The following TMEM161B variants were observed in gnomAD, a reference collection of about 807,000 sequenced individuals.
The protein encoded by TMEM161B is transmembrane protein 161B.
TMEM161B carries 34 observed loss-of-function variants against 61.8 expected under a neutral mutation model. The ratio of observed to expected loss-of-function variants is 0.55; its 90% CI spans 0.42 to 0.73. The LOEUF is 0.73. Ranked by LOEUF, TMEM161B falls within the 30% of genes least tolerant of loss-of-function variation. The pLI is 0.00. For synonymous variants in TMEM161B, 167 were observed against 192.8 expected, an observed-to-expected ratio of 0.87 and a Z score of 1.11; for missense variants, 456 against 558.5, an observed-to-expected ratio of 0.82 and a Z score of 1.85.
chr5:88,229,095 C>T (rs1198771718), intron 2 of TMEM161B, among the ~76,000 whole-genome samples: 1 of 152,178 alleles, frequency 6.6e-6, no homozygotes, highest in East Asian at 1.9e-4. Flanking sequence ...GATCCAACAA[C>T]TGGTTGTATC....
At chr5:88,190,329 C>T (rs920592240), downstream of TMEM161B, 6 of 693,340 alleles carry the variant, frequency 8.7e-6, no homozygotes, top group Non-Finnish European at 1.6e-5. Context: ...TGTAGAAATA[C>T]TGGCCTAACA....
At chr5:88,228,586 C>T (rs2112579463) in intron 2 of TMEM161B, 58 bp from the exon 3 acceptor site, 1 of 1,195,478 alleles carries the variant, frequency 8.4e-7, no homozygotes, top group Non-Finnish European at 1.2e-6. Context: ...AATTATTCTT[C>T]ATCCTATAAA....
At chr5:88,202,761 T>A (rs1744663579) in intron 9 of TMEM161B, 1 of 582,032 alleles carries the variant, frequency 1.7e-6, no homozygotes, top group Admixed American at 3.3e-5. Context: ...AAGGTAATAA[T>A]CATTAACATT....
downstream of TMEM161B, chr5:88,190,093 G>C (rs1044454376): frequency 2.9e-6 from 2 of 700,738 alleles, no homozygotes; most frequent in Admixed American, 2.0e-5. Flanking sequence ...TTCTCAGTTC[G>C]TGTTGGATAA....
intron 8 of TMEM161B, among the ~76,000 whole-genome samples, chr5:88,203,382 T>C (rs1211788536): frequency 6.6e-6 from 1 of 152,124 alleles, no homozygotes; most frequent in Non-Finnish European, 1.5e-5. Flanking sequence ...TCACTTCTAT[T>C]CTAGTATTCT....
At chr5:88,220,454 T>C in intron 5 of TMEM161B, 109 bp downstream of exon 5, 1 of 914,800 alleles carries the variant, frequency 1.1e-6, no homozygotes. Flanking sequence ...AAAAAAGATT[T>C]CAATAAAGAA....
Position 88,205,896 on chromosome 5 carries a change from C to G in TMEM161B, c.718G>C (p.Gly240Arg). The G allele has an allele frequency of 6.2e-7, 1 of 1,612,396 alleles. No individual in the cohort carries two copies. Among genetic ancestry groups the G allele is most frequent in the Non-Finnish European group, 8.5e-7 (1 of 1,179,162 alleles). ...AATCCAGGAAATGTCAAAAAAGCCC[C>G]AATGAATGAACAGAAAATAGCCAGG... ...FFLAIFCSFI[G>R]AFLTFPGLRL... Residue 240 changes from glycine (G) to arginine (R), a missense_variant, in exon 8 of 12, where the codon GGG (glycine) becomes CGG (arginine). Transcript: ENST00000296595.
chr5:88,205,800 C>A lies in TMEM161B; in HGVS notation c.800+14G>T. 1 of 1,611,450 alleles carries A rather than the reference C, an allele frequency of 6.2e-7. No individual in the cohort carries two copies. The highest frequency in any genetic ancestry group is 2.2e-5 in the East Asian group (1 of 44,702). ...ATATTTATCTGCATGTGCTTATGTA[C>A]ATTTTCCGCTTACTGTGTAATTTTT... On this transcript the variant is annotated intron_variant, in intron 8 of 11. Transcript: ENST00000296595.
chr5:88,207,108 G>C lies in TMEM161B; in HGVS notation c.519C>G (p.Thr173=). The C allele has an allele frequency of 1.2e-6, 2 of 1,612,932 alleles. No homozygotes were observed. Among genetic ancestry groups the C allele is most frequent in the Non-Finnish European group, 1.7e-6 (2 of 1,179,418 alleles). ...CTTTGACAAAGAAAAAAAATCCAAA[G>C]GTGACACAAACAGATCTTTCACCAC... ...EDGGERSVCV[T]FGFFFFVKAM... The change falls in exon 6 of 12, where the codon ACC becomes ACG. Residue 173 remains threonine (T), a synonymous_variant. Coordinates refer to ENST00000296595, the MANE Select transcript of TMEM161B (RefSeq NM_153354.5).
chr5:88,199,294 G>GACTTAACT, intron 9 of TMEM161B, 144 bp from the exon 10 acceptor site: 1 of 705,722 alleles, frequency 1.4e-6, no homozygotes. Flanking sequence ...CTCTGCCATA[G>GACTTAACT]ACTTAACTGT....
At position 88,237,827 on chromosome 5, in the gene TMEM161B, A is replaced by G. The variant is rs140018274; in HGVS notation, c.107+2986T>C. On this transcript the variant is annotated intron_variant, in intron 2 of 11. Transcript: ENST00000296595. ...AATTAGTCAATTTTTTAATATTAAA[A>G]ATCAACAAACTAATTTGTAAGTAAA... 6.7e-3 allele frequency among the ~76,000 whole-genome samples: 1,021 copies of G among 152,254 alleles called. 4 individuals carry two copies. Among genetic ancestry groups the G allele is most frequent in the Non-Finnish European group, 0.011 (757 of 68,010 alleles).
chr5:88,251,921 T>C (rs192467836), intron 1 of TMEM161B, among the ~76,000 whole-genome samples: 42 of 152,290 alleles, frequency 2.8e-4, no homozygotes, highest in Non-Finnish European at 4.9e-4. Flanking sequence ...TTTAGAATAG[T>C]TGATGGCTCA....
Position 88,202,965 on chromosome 5 carries a change from G to C in TMEM161B, c.911C>G (p.Pro304Arg), listed in dbSNP as rs1253883836. The C allele has an allele frequency of 1.2e-6, 2 of 1,600,782 alleles. No individual in the cohort carries two copies. Among genetic ancestry groups the C allele is most frequent in the African/African-American group, 2.7e-5 (2 of 74,696 alleles). ...GCCCTCAAATGCCCATACTTACAAA[G>C]GGATACTTTCTTTGCCCAGTGGTGG... Reference protein sequence around the residue: ...MNPPLGKESIPLMTEATFDTL... With the variant: ...MNPPLGKESIRLMTEATFDTL... Residue 304 changes from proline to arginine, a missense_variant, in exon 9 of 12, where the codon CCT becomes CGT. Around this residue, in one of 3 missense-constraint regions of TMEM161B, gnomAD observed 367 missense variants for 427.3 expected, o/e 0.86. Transcript: ENST00000296595.
rs771435490 is a variant in TMEM161B, at chr5:88,206,499, C to G, written c.599G>C (p.Gly200Ala). ...ENYLEFGLET[G>A]FTNFSDSAMQ... ...CGCACTGTCTGAAAAATTTGTAAAC[C>G]CTGTGGGGGAAAAAAAAAAAAACAA... Residue 200 changes from glycine (G) to alanine (A), a missense_variant and splice_region_variant, in exon 7 of 12, where the codon GGG (glycine) becomes GCG (alanine). Gly to Ala is a moderately conservative substitution (Grantham distance 60). This residue lies in a region of TMEM161B where 367 missense variants were observed against 427.3 expected (regional missense o/e 0.86). Coordinates refer to ENST00000296595, the MANE Select transcript of TMEM161B (RefSeq NM_153354.5). 2 of 1,572,616 alleles carry G rather than the reference C, an allele frequency of 1.3e-6. No homozygotes were observed. Among genetic ancestry groups the G allele is most frequent in the Non-Finnish European group, 1.7e-6 (2 of 1,162,064 alleles).
chr5:88,225,857 A>G lies in TMEM161B; in HGVS notation c.201T>C (p.Asn67=), dbSNP rs1008485472. The change falls in exon 4 of 12, where the codon AAT becomes AAC. Residue 67 remains asparagine, a synonymous_variant. Coordinates refer to ENST00000296595, the MANE Select transcript of TMEM161B (RefSeq NM_153354.5). ...KGKTKKDRKY[N]GHIESKPLTI... ...TTAATGGCTTACTTTCAATGTGACC[A>G]TTATATTTCCTATAAAAATCAGACA... The G allele has an allele frequency of 2.5e-6, 4 of 1,601,172 alleles. No homozygotes were observed. Among genetic ancestry groups the G allele is most frequent in the Non-Finnish European group, 2.6e-6 (3 of 1,173,142 alleles).
chr5:88,226,943 G>A (rs1037516785), intron 3 of TMEM161B, among the ~76,000 whole-genome samples: 1 of 152,102 alleles, frequency 6.6e-6, no homozygotes, highest in Non-Finnish European at 1.5e-5. Flanking sequence ...GTAACACCGG[G>A]AGACCCTGTC....
At chr5:88,258,470 C>A (rs950304191) in intron 1 of TMEM161B, among the ~76,000 whole-genome samples, 1 of 152,016 alleles carries the variant, frequency 6.6e-6, no homozygotes, top group Non-Finnish European at 1.5e-5. Context: ...ATAAATTTAA[C>A]CATCAATAAA....
chr5:88,264,444 C>T (rs559549610), intron 1 of TMEM161B, among the ~76,000 whole-genome samples: 6 of 152,050 alleles, frequency 3.9e-5, no homozygotes, highest in South Asian at 4.1e-4. Flanking sequence ...CAGATGCTGG[C>T]GAGGCTGTGG....
rs576927652 is a variant in TMEM161B, at chr5:88,232,573, T to C, written c.108-4045A>G. 8.5e-4 allele frequency among the ~76,000 whole-genome samples: 7 copies of C among 8,226 alleles called. No homozygotes were observed. The South Asian group carries it at 0.057, about 67-fold the overall frequency. 5.4% of individuals were successfully genotyped at this position (8,226 alleles called of 152,430 possible). On this transcript the variant is annotated intron_variant, in intron 2 of 11. Transcript: ENST00000296595. Reference sequence around the variant, plus strand: ...AGTAATGAAATATTTTAAGACACATTTTCTTATTTTTTTTTTCTGAGACAG... The same window carrying C: ...AGTAATGAAATATTTTAAGACACATCTTCTTATTTTTTTTTTCTGAGACAG...
Sources: gnomAD v4.1 joint callset for allele counts (sites outside exome capture counted in the v4.1 genomes callset) on GRCh38, gnomAD v4.1.1 for gene constraint, gnomAD v4.1.1 regional missense constraint, MANE v1.5 for transcripts, NCBI Gene and HGNC (gene_info 2026-07-23, HGNC 2026-07-21) for gene names.